PLD5: variants seen among roughly 807,000 people sequenced by gnomAD.
PLD5 encodes inactive phospholipase D5.
In PLD5, 36 loss-of-function variants were observed where a neutral mutation model predicts 61.1. The ratio of observed to expected loss-of-function variants is 0.59; its 90% CI spans 0.45 to 0.78. The LOEUF (loss-of-function observed/expected upper bound fraction) is 0.78. Among genes scored for constraint, PLD5 ranks in the 30% least tolerant of loss-of-function variants. PLD5 has a pLI of 0.00. For missense variants in PLD5, 515 were observed against 644.4 expected (o/e 0.80, Z 2.17); for synonymous variants, 243 against 242.8 (o/e 1.00, Z -0.01).
intron 1 of PLD5, among the ~76,000 whole-genome samples, chr1:242,390,940 C>G (rs1347152900): frequency 6.6e-6 from 1 of 152,112 alleles, no homozygotes; most frequent in Non-Finnish European, 1.5e-5. Context: ...CACCTGTAAT[C>G]CCAGCACTTT....
rs202200162 is a variant in PLD5 at position 242,422,003 on chromosome 1, CTGAT to C, written c.190-73765_190-73762del. Among the ~76,000 whole-genome samples the C allele has an allele frequency of 8.5e-3, 1,297 of 152,266 alleles. 17 individuals carry two copies. The highest frequency in any genetic ancestry group is 0.026 in the African/African-American group (1,085 of 41,544). On this transcript the variant is annotated intron_variant, in intron 1 of 9. Transcript: ENST00000536534. ...AATGAAGAAAAGAGAAGGAGCGTGACTGATTAAGAAATTATCAGACATATTCTAA... is the reference window on the plus strand; with the variant it reads ...AATGAAGAAAAGAGAAGGAGCGTGACTAAGAAATTATCAGACATATTCTAA...
intron 1 of PLD5, among the ~76,000 whole-genome samples, chr1:242,471,697 A>G (rs1349328316): frequency 6.6e-6 from 1 of 152,232 alleles, no homozygotes; most frequent in East Asian, 1.9e-4. Context: ...CATACACAAT[A>G]CACAATGACA....
intron 2 of PLD5, among the ~76,000 whole-genome samples, chr1:242,289,915 T>G (rs1574674045): frequency 2.0e-5 from 3 of 151,054 alleles, no homozygotes; most frequent in East Asian, 4.0e-4. Flanking sequence ...GTTCTGTATT[T>G]GATCAACCCA....
At chr1:242,393,583 TATACATATGTGTATATATATGAGC>T in intron 1 of PLD5, among the ~76,000 whole-genome samples, 2 of 95,788 alleles carry the variant, frequency 2.1e-5, no homozygotes, top group African/African-American at 9.2e-5. Context: ...TATATATGAG[TATACATATGTGTATATATATGAGC>T]ATATATGTGT....
intron 2 of PLD5, among the ~76,000 whole-genome samples, chr1:242,345,001 C>T (rs541963949): frequency 2.4e-4 from 37 of 152,168 alleles, no homozygotes; most frequent in African/African-American, 6.0e-4. Context: ...CATCAGATCT[C>T]GTGAGACTTA....
intron 1 of PLD5, among the ~76,000 whole-genome samples, chr1:242,394,995 ATGTATATATG>A (rs1278842413): frequency 2.6e-4 from 33 of 127,060 alleles, no homozygotes; most frequent in African/African-American, 7.2e-4. Flanking sequence ...ATGAATATAT[ATGTATATATG>A]AATATATATG....
At chr1:242,484,093 C>T (rs1456146045) in intron 1 of PLD5, among the ~76,000 whole-genome samples, 1 of 152,132 alleles carries the variant, frequency 6.6e-6, no homozygotes, top group East Asian at 1.9e-4. Context: ...ACTAAATGCC[C>T]TCAAGAGAAA....
chr1:242,416,903 T>C (rs1664861361), intron 1 of PLD5, among the ~76,000 whole-genome samples: 1 of 152,244 alleles, frequency 6.6e-6, no homozygotes, highest in Admixed American at 6.5e-5. Context: ...ATCCATTCAG[T>C]AAACATTTAT....
intron 1 of PLD5, among the ~76,000 whole-genome samples, chr1:242,477,924 G>T (rs1406694055): frequency 1.3e-5 from 2 of 152,132 alleles, no homozygotes; most frequent in Admixed American, 1.3e-4. Context: ...TTTGAAATGT[G>T]GTCTGAGCTC....
intron 2 of PLD5, among the ~76,000 whole-genome samples, chr1:242,295,796 A>G (rs1675619598): frequency 6.6e-6 from 1 of 152,166 alleles, no homozygotes; most frequent in Non-Finnish European, 1.5e-5. Flanking sequence ...CATCCATGCC[A>G]ACTTCTGCTA....
At chr1:242,496,196 A>G (rs1365500227) in intron 1 of PLD5, among the ~76,000 whole-genome samples, 1 of 152,220 alleles carries the variant, frequency 6.6e-6, no homozygotes, top group Non-Finnish European at 1.5e-5. Context: ...TCAGAGAACT[A>G]AAATAAGCTT....
At chr1:242,400,331 G>A (rs180724456) in intron 1 of PLD5, among the ~76,000 whole-genome samples, 39 of 129,946 alleles carry the variant, frequency 3.0e-4, no homozygotes, top group African/African-American at 1.1e-3. Flanking sequence ...GCTGGGAATT[G>A]CTGGATTATG....
chr1:242,198,475 C>G (rs316825), intron 5 of PLD5, among the ~76,000 whole-genome samples: 106,486 of 151,438 alleles, frequency 0.7, 38,543 homozygotes, highest in East Asian at 0.93. Context: ...GCTATAAAAA[C>G]TGCTGATCAG....
At chr1:242,469,161 G>A (rs138010380) in intron 1 of PLD5, among the ~76,000 whole-genome samples, 4 of 152,268 alleles carry the variant, frequency 2.6e-5, no homozygotes, top group African/African-American at 7.2e-5. Flanking sequence ...ATGCATCAGC[G>A]TATCTTGAAA....
At chr1:242,191,124 G>C (rs1668248425) in intron 5 of PLD5, among the ~76,000 whole-genome samples, 1 of 147,984 alleles carries the variant, frequency 6.8e-6, no homozygotes, top group Admixed American at 6.6e-5. Context: ...ATAAACTATG[G>C]AGTTTTTTTT....
intron 1 of PLD5, among the ~76,000 whole-genome samples, chr1:242,459,751 G>A (rs986021447): frequency 2.6e-5 from 4 of 152,198 alleles, no homozygotes; most frequent in African/African-American, 7.2e-5. Context: ...AGTGCAGTCA[G>A]GGAGGTTTCA....
intron 5 of PLD5, among the ~76,000 whole-genome samples, chr1:242,143,864 CAG>C (rs1443944254): frequency 3.4e-5 from 5 of 148,772 alleles, no homozygotes; most frequent in African/African-American, 1.2e-4. Context: ...TTTTTTGAGT[CAG>C]AGTCTTGATC....
intron 5 of PLD5, among the ~76,000 whole-genome samples, chr1:242,131,528 G>A (rs540655175): frequency 6.6e-6 from 1 of 152,278 alleles, no homozygotes; most frequent in African/African-American, 2.4e-5. Flanking sequence ...GGCTTCATAT[G>A]TCTACATGCA....
intron 1 of PLD5, among the ~76,000 whole-genome samples, chr1:242,395,891 T>C (rs1222693836): frequency 6.6e-6 from 1 of 151,908 alleles, no homozygotes; most frequent in African/African-American, 2.4e-5. Flanking sequence ...CTACTAAAAA[T>C]ACAAAAATGA....
Sources: gnomAD v4.1 joint callset for allele counts (sites outside exome capture counted in the v4.1 genomes callset) on GRCh38, gnomAD v4.1.1 for gene constraint, MANE v1.5 for transcripts, NCBI Gene and HGNC (gene_info 2026-07-23, HGNC 2026-07-21) for gene names.